DMGDH: variants seen among roughly 807,000 people sequenced by gnomAD.
DMGDH encodes the protein dimethylglycine dehydrogenase.
Under a neutral mutation model 95.2 loss-of-function variants are expected in DMGDH, and 76 were observed. The ratio of observed to expected loss-of-function variants is 0.80; its 90% CI spans 0.66 to 0.97. The LOEUF (loss-of-function observed/expected upper bound fraction) is 0.97. Among genes scored for constraint, DMGDH ranks in the 50% least tolerant of loss-of-function variants. The pLI, the probability that DMGDH is intolerant of heterozygous loss-of-function variation, is 0.00. For missense variants in DMGDH, 987 were observed against 1,055.0 expected, an observed-to-expected ratio of 0.94 and a Z score of 0.89; for synonymous variants, 345 against 377.6, an observed-to-expected ratio of 0.91 and a Z score of 1.00.
chr5:79,055,225 A>G (rs1754991172), intron 3 of DMGDH, among the ~76,000 whole-genome samples: 1 of 152,260 alleles, frequency 6.6e-6, no homozygotes, highest in Non-Finnish European at 1.5e-5. Context: ...GGCAGAGGTC[A>G]GCTGACAAAG....
At chr5:79,042,162 G>T in intron 7 of DMGDH, 121 bp downstream of exon 7, 1 of 965,622 alleles carries the variant, frequency 1.0e-6, no homozygotes, top group African/African-American at 1.6e-5. Flanking sequence ...GTCTCTCTCT[G>T]TTTCTCTTTC....
At chr5:79,052,488 G>T (rs1754897185) in intron 4 of DMGDH, among the ~76,000 whole-genome samples, 1 of 152,142 alleles carries the variant, frequency 6.6e-6, no homozygotes, top group Admixed American at 6.6e-5. Flanking sequence ...TTTATTATAG[G>T]TCTTGTGCAA....
intron 4 of DMGDH, among the ~76,000 whole-genome samples, chr5:79,052,233 T>C (rs1283388576): frequency 7.2e-5 from 11 of 152,250 alleles, no homozygotes; most frequent in Non-Finnish European, 1.5e-4. Context: ...TGAGGATTTT[T>C]GTATCTATGT....
chr5:79,036,826 A>G (rs796984171), intron 7 of DMGDH, among the ~76,000 whole-genome samples: 6 of 152,254 alleles, frequency 3.9e-5, no homozygotes, highest in African/African-American at 1.4e-4. Flanking sequence ...TCATGGTGCT[A>G]TGGACTGAAT....
intron 6 of DMGDH, among the ~76,000 whole-genome samples, chr5:79,043,016 T>G (rs1234095269): frequency 6.6e-6 from 1 of 152,174 alleles, no homozygotes; most frequent in Non-Finnish European, 1.5e-5. Context: ...CCCATACACA[T>G]CCAAGGGCTA....
chr5:79,050,273 A>AAAAAAATATATATAT (rs1554037270), intron 5 of DMGDH, among the ~76,000 whole-genome samples: 1 of 20,936 alleles, frequency 4.8e-5, no homozygotes, highest in African/African-American at 1.6e-4. Context: ...AAAAAAAAAA[A>AAAAAAATATATATAT]ATATATATAT....
chr5:79,021,817 CTG>C (rs1255925566), intron 14 of DMGDH: 61 of 938,190 alleles, frequency 6.5e-5, no homozygotes, highest in Non-Finnish European at 8.2e-5. Context: ...GATAAGCCCA[CTG>C]TGGAAAAGGA....
At chr5:79,020,913 T>A in intron 14 of DMGDH, 1 of 985,454 alleles carries the variant, frequency 1.0e-6, no homozygotes, top group Non-Finnish European at 1.2e-6. Context: ...ATTTCCACCA[T>A]GAAAATTCCA....
chr5:79,008,746 T>C (rs1474876995), intron 14 of DMGDH, among the ~76,000 whole-genome samples: 2 of 151,612 alleles, frequency 1.3e-5, no homozygotes. Context: ...GGGGGGAGAG[T>C]GGGCAAAAAC....
intron 10 of DMGDH, chr5:79,030,480 G>C (rs1754129802): frequency 7.2e-6 from 2 of 277,248 alleles, no homozygotes; most frequent in Non-Finnish European, 1.4e-5. Context: ...CCCTGTCTCT[G>C]CTAAAGAATA....
At chr5:79,052,566 T>G (rs1037625270) in intron 4 of DMGDH, among the ~76,000 whole-genome samples, 1 of 152,244 alleles carries the variant, frequency 6.6e-6, no homozygotes, top group Non-Finnish European at 1.5e-5. Flanking sequence ...TGTTTTATAA[T>G]GGATAGGACC....
chr5:79,020,922 C>T (rs1753849717), intron 14 of DMGDH: 4 of 985,218 alleles, frequency 4.1e-6, no homozygotes, highest in East Asian at 1.1e-4. Context: ...ATGAAAATTC[C>T]AGGAATGCCT....
intron 3 of DMGDH, 47 bp downstream of exon 3, chr5:79,055,763 T>C (rs762535791): frequency 1.6e-6 from 2 of 1,273,600 alleles, no homozygotes; most frequent in Admixed American, 1.7e-5. Flanking sequence ...TCTTACATGT[T>C]TCTGAGAAGC....
chr5:79,021,616 C>A, intron 14 of DMGDH: 1 of 1,315,560 alleles, frequency 7.6e-7, no homozygotes, highest in Admixed American at 2.1e-5. Flanking sequence ...CCTAATAAGG[C>A]CTGATGGCCC....
Position 79,044,423 on chromosome 5 carries a change from C to T in DMGDH, c.875G>A (p.Arg292His), listed in dbSNP as rs761734491. 2.0e-5 allele frequency: 32 copies of T among 1,614,030 alleles called. No individual in the cohort carries two copies. The Middle Eastern group carries it at 4.9e-4, about 25-fold the overall frequency. ...KALKRELPVL[R>H]DLEGSYYLRQ... ...GAGATAATATGATCCTTCCAGGTCA[C>T]GGAGCACAGGCAGTTCTCGTTTCAA... Residue 292 changes from arginine (R) to histidine (H), a missense_variant, in exon 6 of 16, where the codon CGT (arginine) becomes CAT (histidine). Physicochemically the swap from Arg to His is conservative, Grantham distance 29. Coordinates refer to ENST00000255189, the MANE Select transcript of DMGDH (RefSeq NM_013391.3).
intron 14 of DMGDH, chr5:79,020,891 C>T (rs1251013545): frequency 1.0e-6 from 1 of 985,258 alleles, no homozygotes; most frequent in Non-Finnish European, 1.2e-6. Context: ...CAGAAATGGA[C>T]AAAAATTCAA....
intron 14 of DMGDH, chr5:79,020,730 G>A: frequency 4.1e-6 from 4 of 984,034 alleles, no homozygotes; most frequent in Non-Finnish European, 4.8e-6. Context: ...CACGGGGAGA[G>A]AGGGGAAGGA....
In DMGDH at chr5:79,050,262, A is replaced by G. The variant is rs1436240210; in HGVS notation, c.745+1025T>C. ...AAACTTTGTCTCAAAAAAAAAAAAAAAAAAAAAAAAAATATATATATATAT... is the reference window on the plus strand; with the variant it reads ...AAACTTTGTCTCAAAAAAAAAAAAAGAAAAAAAAAAAATATATATATATAT... On this transcript the variant is annotated intron_variant, in intron 5 of 15. Coordinates refer to ENST00000255189, the MANE Select transcript of DMGDH (RefSeq NM_013391.3). 3.4e-4 allele frequency among the ~76,000 whole-genome samples: 22 copies of G among 65,202 alleles called. No individual in the cohort carries two copies. In the East Asian group the frequency reaches 0.016, roughly 46 times the overall value. The allele number at this position is 65,202 out of a possible 152,430, so 42.8% of individuals were successfully genotyped here. A position where few individuals can be genotyped will look rare whatever the true frequency, so the allele number is the denominator to read the frequency against.
chr5:79,026,507 G>T lies in DMGDH; in HGVS notation c.2107C>A (p.Gln703Lys). ...ALYDAIMNAG[Q>K]EEGIDNFGTY... ...CCAAAATTGTCGATTCCCTCCTCCT[G>T]GCCTGCATTCATGATAGCGTCATAC... The change falls in exon 13 of 16, where the codon CAG (glutamine) becomes AAG (lysine). Residue 703 changes from glutamine to lysine, a missense_variant. By Grantham distance (53) the Gln-to-Lys change is moderately conservative (BLOSUM62 1). Coordinates refer to ENST00000255189, the MANE Select transcript of DMGDH (RefSeq NM_013391.3). 6.2e-7 allele frequency: 1 copy of T among 1,614,098 alleles called. No individual in the cohort carries two copies. Among genetic ancestry groups the T allele is most frequent in the Non-Finnish European group, 8.5e-7 (1 of 1,180,016 alleles).
Sources: allele counts gnomAD v4.1 joint callset (sites outside exome capture counted in the v4.1 genomes callset), GRCh38; gene constraint gnomAD v4.1.1; transcripts MANE v1.5; gene names NCBI Gene and HGNC (gene_info 2026-07-23, HGNC 2026-07-21).